NUP98: variants seen among roughly 807,000 people sequenced by gnomAD.
The protein encoded by NUP98 is nuclear pore complex protein Nup98-Nup96.
NUP98 carries 26 observed loss-of-function variants against 191.9 expected under a neutral mutation model. The observed-to-expected ratio is 0.14, with a 90% CI of 0.10 to 0.19. The LOEUF (loss-of-function observed/expected upper bound fraction) is 0.19, where lower values mean the gene tolerates loss of function less well. NUP98 is among the 10% of genes least tolerant of loss of function. The pLI, the probability that NUP98 is intolerant of heterozygous loss-of-function variation, is 1.00. For synonymous variants in NUP98, 808 were observed against 778.4 expected, an observed-to-expected ratio of 1.04 and a Z score of -0.63; for missense variants, 1,941 against 2,178.8, an observed-to-expected ratio of 0.89 and a Z score of 2.17.
chr11:3,776,289 T>C (rs969535987), intron 4 of NUP98, among the ~76,000 whole-genome samples: 2 of 149,116 alleles, frequency 1.3e-5, no homozygotes, highest in African/African-American at 4.9e-5. Context: ...ACCCAGCTAA[T>C]TTTTTTTTTA....
chr11:3,713,710 A>C (rs685537), intron 19 of NUP98, 108 bp downstream of exon 19: 569,793 of 1,044,300 alleles, frequency 0.55, 159,278 homozygotes, highest in African/African-American at 0.77. Context: ...CAGAGCAAGA[A>C]CCCCATCAAT....
chr11:3,784,803 G>A (rs895859534), intron 1 of NUP98, among the ~76,000 whole-genome samples: 2 of 151,776 alleles, frequency 1.3e-5, no homozygotes, highest in African/African-American at 4.8e-5. Flanking sequence ...TAGGGCTGGG[G>A]TACAGACATT....
Position 3,779,241 on chromosome 11 carries a change from A to C in NUP98, c.93T>G (p.Thr31=). The change falls in exon 3 of 33, where the codon ACT becomes ACG. Residue 31 remains threonine, a synonymous_variant. Transcript: ENST00000324932. ...ATGTTCCAAATGCCCCTCCACTAGTAGTGCCAAAGCCAGTATCTGAAAAAG... is the reference window on the plus strand; with the variant it reads ...ATGTTCCAAATGCCCCTCCACTAGTCGTGCCAAAGCCAGTATCTGAAAAAG... ...STFGQNTGFG[T]TSGGAFGTSA... 1.2e-5 allele frequency: 20 copies of C among 1,614,134 alleles called. No individual in the cohort carries two copies. The highest frequency in any genetic ancestry group is 1.7e-5 in the Non-Finnish European group (20 of 1,179,926).
At chr11:3,724,190 G>C (rs1044308632) in intron 15 of NUP98, among the ~76,000 whole-genome samples, 1 of 151,980 alleles carries the variant, frequency 6.6e-6, no homozygotes, top group Admixed American at 6.6e-5. Context: ...CCAGCACTTT[G>C]TGAGGCCGAG....
chr11:3,679,910 CAAATTT>C (rs1046440892), intron 30 of NUP98: 5 of 587,860 alleles, frequency 8.5e-6, no homozygotes, highest in Non-Finnish European at 1.5e-5. Flanking sequence ...AATAAAATCA[CAAATTT>C]TTTGGTTTTC....
At chr11:3,707,738 C>CACAAAAAAAAAAAAAAA (rs1554889252) in intron 20 of NUP98, among the ~76,000 whole-genome samples, 6 of 48,568 alleles carry the variant, frequency 1.2e-4, no homozygotes, top group African/African-American at 6.7e-4. Context: ...GACTCTGTCT[C>CACAAAAAAAAAAAAAAA]AAAAAAAAAA....
chr11:3,731,714 A>G, intron 13 of NUP98, 136 bp from the exon 14 acceptor site: 1 of 533,316 alleles, frequency 1.9e-6, no homozygotes, highest in Non-Finnish European at 3.1e-6. Flanking sequence ...CTCTGTTCCC[A>G]TAAAACAAGG....
chr11:3,698,724 T>TC (rs1189796836), intron 25 of NUP98, among the ~76,000 whole-genome samples: 4 of 51,344 alleles, frequency 7.8e-5, no homozygotes, highest in African/African-American at 5.3e-4. Context: ...TGAAACTGTC[T>TC]CAAAAAAAAA....
At chr11:3,681,596 A>G (rs2077986500) in intron 30 of NUP98, among the ~76,000 whole-genome samples, 1 of 151,446 alleles carries the variant, frequency 6.6e-6, no homozygotes, top group Non-Finnish European at 1.5e-5. Context: ...AATGAGCAGT[A>G]ATATTTTGAA....
At chr11:3,756,516 G>A (rs2080963722) in intron 10 of NUP98, among the ~76,000 whole-genome samples, 2 of 151,918 alleles carry the variant, frequency 1.3e-5, no homozygotes, top group African/African-American at 4.8e-5. Context: ...TCTGCCTCCT[G>A]GGTTCAAGTG....
rs1284820819 is a variant in NUP98 at position 3,797,452 on chromosome 11, G to A, written c.-81C>T. 2 of 413,912 alleles carry A rather than the reference G, an allele frequency of 4.8e-6. No homozygotes were observed. The highest frequency in any genetic ancestry group is 2.1e-5 in the African/African-American group (1 of 48,674). The allele number at this position is 413,912 out of a possible 1,614,324, so 25.6% of individuals were successfully genotyped here. ...CAGGAGTCCCCTGCTGCCACCCGCC[G>A]CTCACAGAGCAGCGCGCGGCCCCCA... On this transcript the variant is annotated 5_prime_UTR_variant, in exon 1 of 33. Transcript: ENST00000324932.
chr11:3,685,406 CTT>C (rs949740048), intron 29 of NUP98, among the ~76,000 whole-genome samples: 1 of 152,158 alleles, frequency 6.6e-6, no homozygotes, highest in African/African-American at 2.4e-5. Flanking sequence ...AAGCAGGGAC[CTT>C]TTTGCTAACC....
rs568414443 is a variant in NUP98, at chr11:3,789,917, T to G, written c.-29+7483A>C. On this transcript the variant is annotated intron_variant, in intron 1 of 32. Coordinates refer to ENST00000324932, the MANE Select transcript of NUP98 (RefSeq NM_016320.5). ...TCCCTGCCTCAGCCTCTCGAGAAGATGGGACTACAGGCACCCACCACTATA... is the reference window on the plus strand; with the variant it reads ...TCCCTGCCTCAGCCTCTCGAGAAGAGGGGACTACAGGCACCCACCACTATA... 6.5e-4 allele frequency among the ~76,000 whole-genome samples: 99 copies of G among 152,222 alleles called. 1 individual carries two copies. The South Asian group carries it at 1.0e-2, about 15-fold the overall frequency.
At position 3,712,622 on chromosome 11, in the gene NUP98, G is replaced by C. The variant is rs144722829; in HGVS notation, c.2684C>G (p.Ala895Gly). 105 of 1,613,866 alleles carry C rather than the reference G, an allele frequency of 6.5e-5. No individual in the cohort carries two copies. The Admixed American group carries it at 1.7e-3, about 27-fold the overall frequency. ...KKLKTAPLPP[A>G]SQTTPLQMAL... ...CATCTGCAAGGGCGTAGTCTGGCTT[G>C]CAGGAGGCAAAGGAGCAGTCTTCAA... Residue 895 changes from alanine (A) to glycine (G), a missense_variant, in exon 20 of 33, where the codon GCA (alanine) becomes GGA (glycine). By Grantham distance (60) the Ala-to-Gly change is moderately conservative. Transcript: ENST00000324932.
At chr11:3,751,878 CT>C (rs1431243349) in intron 11 of NUP98, among the ~76,000 whole-genome samples, 2 of 151,766 alleles carry the variant, frequency 1.3e-5, no homozygotes, top group African/African-American at 2.4e-5. Flanking sequence ...CACCTTTTAT[CT>C]TAAAAAGAAG....
At position 3,778,916 on chromosome 11, in the gene NUP98, G is replaced by A; in HGVS notation, c.312C>T (p.Ser104=). 6.2e-7 allele frequency: 1 copy of A among 1,614,198 alleles called. No individual in the cohort carries two copies. Residue 104 remains serine (S), a synonymous_variant, in exon 4 of 33, where the codon TCC becomes TCT. Transcript: ENST00000324932. ...TATTTTGTGCAAAGGCATTGTTTTG[G>A]GATGAGAAGAGACTGGTCCCTGTGC... ...TASTGTSLFS[S]QNNAFAQNKP... is the part of the protein sequence containing the mutation.
chr11:3,777,756 CA>C (rs1160984322), intron 4 of NUP98, among the ~76,000 whole-genome samples: 2 of 151,978 alleles, frequency 1.3e-5, no homozygotes, highest in African/African-American at 4.8e-5. Context: ...TTATCACTGG[CA>C]AACTGCTATT....
chr11:3,790,095 C>G (rs1554905767), intron 1 of NUP98, among the ~76,000 whole-genome samples: 3 of 152,130 alleles, frequency 2.0e-5, no homozygotes, highest in Non-Finnish European at 1.5e-5. Context: ...ATTTACCTAT[C>G]AAGAAGGTTG....
chr11:3,743,991 G>A (rs1246146675), intron 12 of NUP98, among the ~76,000 whole-genome samples: 3 of 152,074 alleles, frequency 2.0e-5, no homozygotes, highest in African/African-American at 7.2e-5. Flanking sequence ...CCCAGGAGGT[G>A]GAGGTTGCAG....
Sources: allele counts gnomAD v4.1 joint callset (sites outside exome capture counted in the v4.1 genomes callset), GRCh38; gene constraint gnomAD v4.1.1; transcripts MANE v1.5; gene names NCBI Gene and HGNC (gene_info 2026-07-23, HGNC 2026-07-21).